Variants in PLCL1 observed in about 807,000 individuals in gnomAD.
PLCL1 encodes the protein inactive phospholipase C-like protein 1.
In PLCL1, 41 loss-of-function variants were observed where a neutral mutation model predicts 84.4. The ratio of observed to expected loss-of-function variants is 0.49; its 90% confidence interval spans 0.38 to 0.63. The LOEUF (loss-of-function observed/expected upper bound fraction) is 0.63, where lower values mean the gene tolerates loss of function less well. Among genes scored for constraint, PLCL1 ranks in the 30% least tolerant of loss-of-function variants. The pLI is 0.00. For synonymous variants in PLCL1, 490 were observed against 488.3 expected (o/e 1.00, Z -0.05); for missense variants, 1,206 against 1,367.8 (o/e 0.88, Z 1.87).
chr2:198,056,315 C>T (rs941193106), intron 1 of PLCL1, among the ~76,000 whole-genome samples: 4 of 152,064 alleles, frequency 2.6e-5, no homozygotes. Context: ...GTTCCCCTCC[C>T]CCCCATAAGG....
intron 1 of PLCL1, among the ~76,000 whole-genome samples, chr2:197,894,850 C>T (rs1688102286): frequency 6.6e-6 from 1 of 151,864 alleles, no homozygotes; most frequent in Non-Finnish European, 1.5e-5. Context: ...GAACCATGGT[C>T]CCTCCTTTTC....
chr2:197,900,511 T>C (rs1371666048), intron 1 of PLCL1, among the ~76,000 whole-genome samples: 2 of 151,142 alleles, frequency 1.3e-5, no homozygotes, highest in African/African-American at 2.5e-5. Context: ...TCAGAAACAT[T>C]TGAGTGCAGA....
rs183162391 is a variant in PLCL1, at chr2:197,849,980, G to C, written c.240+44641G>C. Among the ~76,000 whole-genome samples, 49 of 151,418 alleles carry C rather than the reference G, an allele frequency of 3.2e-4. No homozygotes were observed. The East Asian group carries it at 8.6e-3, about 27-fold the overall frequency. On this transcript the variant is annotated intron_variant, in intron 1 of 5. Coordinates refer to ENST00000428675, the MANE Select transcript of PLCL1 (RefSeq NM_006226.4). ...TTTCCTTTTAACACAAGTTTTCAGT[G>C]ATTCTCTTAGAGGTTAAACACACAG...
chr2:197,999,621 A>C (rs1690551915), intron 1 of PLCL1, among the ~76,000 whole-genome samples: 1 of 152,204 alleles, frequency 6.6e-6, no homozygotes, highest in Non-Finnish European at 1.5e-5. Flanking sequence ...ACAGAATTCT[A>C]TAGATTAGAT....
chr2:197,813,630 T>C (rs1690632886), intron 1 of PLCL1, among the ~76,000 whole-genome samples: 2 of 152,170 alleles, frequency 1.3e-5, no homozygotes, highest in Non-Finnish European at 2.9e-5. Context: ...TAGCAAATAC[T>C]AATATAATTT....
In PLCL1 at chr2:198,004,361, T is replaced by C. The variant is rs111544922; in HGVS notation, c.241-79397T>C. Reference sequence around the variant, plus strand: ...TTGCATGTGCCAATGCCAGGGAACATTTAACTGATTAAAACATTCTGAATG... The same window carrying C: ...TTGCATGTGCCAATGCCAGGGAACACTTAACTGATTAAAACATTCTGAATG... On this transcript the variant is annotated intron_variant, in intron 1 of 5. Coordinates refer to ENST00000428675, the MANE Select transcript of PLCL1 (RefSeq NM_006226.4). 5.7e-3 allele frequency among the ~76,000 whole-genome samples: 863 copies of C among 152,326 alleles called. 9 individuals are homozygous for C. Among genetic ancestry groups the C allele is most frequent in the African/African-American group, 0.019 (810 of 41,574 alleles).
chr2:197,970,168 G>A (rs1304079103), intron 1 of PLCL1, among the ~76,000 whole-genome samples: 3 of 152,198 alleles, frequency 2.0e-5, no homozygotes. Context: ...GAAAGTCCAA[G>A]AGGATGGTAC....
intron 5 of PLCL1, among the ~76,000 whole-genome samples, chr2:198,119,554 C>CA (rs1362569258): frequency 6.6e-6 from 1 of 151,960 alleles, no homozygotes; most frequent in African/African-American, 2.4e-5. Context: ...CTCAGTCACC[C>CA]ACCAGCTCCT....
At chr2:197,946,017 C>T (rs1447751631) in intron 1 of PLCL1, among the ~76,000 whole-genome samples, 1 of 152,008 alleles carries the variant, frequency 6.6e-6, no homozygotes, top group East Asian at 1.9e-4. Context: ...TAATGTCAAC[C>T]ATGTACAATT....
At chr2:197,871,799 T>C (rs1004184324) in intron 1 of PLCL1, among the ~76,000 whole-genome samples, 1 of 152,146 alleles carries the variant, frequency 6.6e-6, no homozygotes, top group African/African-American at 2.4e-5. Flanking sequence ...TCTCTAATTT[T>C]GCTTTGATTG....
chr2:197,828,811 T>C (rs547351351), intron 1 of PLCL1, among the ~76,000 whole-genome samples: 2 of 152,308 alleles, frequency 1.3e-5, no homozygotes, highest in South Asian at 4.1e-4. Context: ...TGAAACAGAA[T>C]GTCTTTAACT....
intron 1 of PLCL1, among the ~76,000 whole-genome samples, chr2:198,061,008 A>C (rs951040340): frequency 6.6e-6 from 1 of 152,228 alleles, no homozygotes; most frequent in Non-Finnish European, 1.5e-5. Context: ...AACTTTTCTC[A>C]TAAGCTACTT....
intron 1 of PLCL1, among the ~76,000 whole-genome samples, chr2:198,021,448 A>G (rs566102710): frequency 9.8e-5 from 15 of 152,340 alleles, no homozygotes; most frequent in South Asian, 2.1e-4. Context: ...AAAAAAATCA[A>G]TGAATCCAGG....
intron 1 of PLCL1, among the ~76,000 whole-genome samples, chr2:197,861,036 C>T (rs928379765): frequency 6.6e-6 from 1 of 152,134 alleles, no homozygotes; most frequent in Non-Finnish European, 1.5e-5. Context: ...TCCTGGCATA[C>T]AACTCCTAAA....
intron 1 of PLCL1, among the ~76,000 whole-genome samples, chr2:197,947,149 A>C (rs1177895427): frequency 6.6e-6 from 1 of 151,908 alleles, no homozygotes; most frequent in Non-Finnish European, 1.5e-5. Context: ...GTGAGGACAG[A>C]TAATTTAAAA....
Position 197,869,158 on chromosome 2 carries a change from G to A in PLCL1, c.240+63819G>A, listed in dbSNP as rs116400053. On this transcript the variant is annotated intron_variant, in intron 1 of 5. Coordinates refer to ENST00000428675, the MANE Select transcript of PLCL1 (RefSeq NM_006226.4). The stretch of plus-strand genomic sequence containing the variant: ...GAGAACAACTTAGGCTCTGATGAGT[G>A]AAATGATTTGCACAAGGCCAAGCAG... Among the ~76,000 whole-genome samples, 624 of 152,236 alleles carry A rather than the reference G, an allele frequency of 4.1e-3. 3 individuals are homozygous for A. The highest frequency in any genetic ancestry group is 0.014 in the African/African-American group (602 of 41,552).
intron 1 of PLCL1, among the ~76,000 whole-genome samples, chr2:198,021,868 A>C (rs570290728): frequency 6.6e-6 from 1 of 152,344 alleles, no homozygotes; most frequent in East Asian, 1.9e-4. Flanking sequence ...CAATAGAAAA[A>C]GACGGACTCC....
At chr2:197,903,649 ATTTTTTTTTTTTTTTT>A (rs11295926) in intron 1 of PLCL1, among the ~76,000 whole-genome samples, 8 of 72,436 alleles carry the variant, frequency 1.1e-4, no homozygotes, top group African/African-American at 3.3e-4. Flanking sequence ...ACGCCCAGCT[ATTTTTTTTTTTTTTTT>A]TTTTTTTTTT....
intron 1 of PLCL1, among the ~76,000 whole-genome samples, chr2:198,077,697 T>C (rs1248281777): frequency 6.6e-6 from 1 of 152,144 alleles, no homozygotes; most frequent in Admixed American, 6.6e-5. Flanking sequence ...TCCCTGGAGG[T>C]TTGACTCATA....
Sources: allele counts gnomAD v4.1 joint callset (sites outside exome capture counted in the v4.1 genomes callset), GRCh38; gene constraint gnomAD v4.1.1; transcripts MANE v1.5; gene names NCBI Gene and HGNC (gene_info 2026-07-23, HGNC 2026-07-21).